THSD7A: variants seen among roughly 807,000 people sequenced by gnomAD.
THSD7A encodes the protein thrombospondin type-1 domain-containing protein 7A.
A neutral mutation model predicts 231.3 loss-of-function variants in THSD7A; 96 were observed. The observed-to-expected ratio is 0.41, with a 90% confidence interval of 0.35 to 0.49. THSD7A has a LOEUF of 0.49. Among genes scored for constraint, THSD7A ranks in the 20% least tolerant of loss-of-function variants. The pLI, the probability that THSD7A is intolerant of heterozygous loss-of-function variation, is 0.05. For missense variants in THSD7A, 2,290 were observed against 2,070.2 expected, an observed-to-expected ratio of 1.11 and a Z score of -2.06; for synonymous variants, 940 against 743.3, an observed-to-expected ratio of 1.26 and a Z score of -4.30.
chr7:11,420,025 A>C (rs1283440264), intron 16 of THSD7A, among the ~76,000 whole-genome samples: 1 of 152,198 alleles, frequency 6.6e-6, no homozygotes, highest in African/African-American at 2.4e-5. Context: ...TGGATAAACA[A>C]GTAAATGACC....
chr7:11,526,002 G>C (rs1440655638), intron 6 of THSD7A, among the ~76,000 whole-genome samples: 2 of 152,156 alleles, frequency 1.3e-5, no homozygotes, highest in African/African-American at 4.8e-5. Context: ...TCATGGTTTA[G>C]TCTAAAGAAA....
intron 26 of THSD7A, among the ~76,000 whole-genome samples, chr7:11,378,472 C>G (rs917243185): frequency 6.6e-6 from 1 of 152,156 alleles, no homozygotes; most frequent in African/African-American, 2.4e-5. Flanking sequence ...ACATTAAGAG[C>G]TGTCTGTGAA....
At chr7:11,386,588 TC>T (rs1462007988) in intron 23 of THSD7A, among the ~76,000 whole-genome samples, 3 of 152,232 alleles carry the variant, frequency 2.0e-5, no homozygotes, top group Non-Finnish European at 2.9e-5. Context: ...TTGTTTAAGT[TC>T]TTTGTAGATT....
chr7:11,383,960 A>G (rs1782627295), intron 23 of THSD7A: 1 of 152,040 alleles, frequency 6.6e-6, no homozygotes, highest in African/African-American at 2.4e-5. Context: ...TTGCAATAAG[A>G]TGAATGCAGA....
rs747022144 is a variant in THSD7A, at chr7:11,474,444, C to T, written c.2142G>A (p.Ser714=). The part of the protein sequence containing the change: ...WGQCIEDTSV[S]SFNTTTTWNG... ...TCCAAGTCGTAGTTGTGTTGAAGGA[C>T]GATACTGAGGTGTCCTCAATGCACT... The change falls in exon 8 of 28, where the codon TCG becomes TCA. Residue 714 remains serine (S), a synonymous_variant. Transcript: ENST00000423059. The surrounding 1 kb of genome is among the most constrained non-coding windows in gnomAD (Gnocchi z 4.1). 1.5e-5 allele frequency: 25 copies of T among 1,613,446 alleles called. No individual in the cohort carries two copies. The highest frequency in any genetic ancestry group is 5.3e-5 in the African/African-American group (4 of 74,896).
chr7:11,520,082 T>C (rs1788199503), intron 6 of THSD7A: 1 of 152,158 alleles, frequency 6.6e-6, no homozygotes, highest in South Asian at 2.1e-4. Context: ...ACCGAATTAA[T>C]CTGCACCCTC....
In THSD7A at chr7:11,444,089, A is replaced by G. The variant is rs1784886626; in HGVS notation, c.3064+1972T>C. The stretch of plus-strand genomic sequence containing the variant: ...GGTCATTAGAGAAATGCAAATCAAA[A>G]CCACAGTGAGATACCACCTCACACC... On this transcript the variant is annotated intron_variant, in intron 13 of 27. Coordinates refer to ENST00000423059, the MANE Select transcript of THSD7A (RefSeq NM_015204.3). This position sits in a 1 kb window ranked among gnomAD's most constrained non-coding sequence, Gnocchi z 4.2. Among the ~76,000 whole-genome samples the G allele has an allele frequency of 6.6e-6, 1 of 152,140 alleles. No homozygotes were observed. Among genetic ancestry groups the G allele is most frequent in the African/African-American group, 2.4e-5 (1 of 41,450 alleles).
At chr7:11,534,221 A>G (rs1185999009) in intron 6 of THSD7A, among the ~76,000 whole-genome samples, 3 of 152,198 alleles carry the variant, frequency 2.0e-5, no homozygotes, top group African/African-American at 7.2e-5. Context: ...AGACCATAGT[A>G]AATTATTTGC....
chr7:11,493,247 T>C (rs1321234566), intron 6 of THSD7A, among the ~76,000 whole-genome samples: 3 of 152,094 alleles, frequency 2.0e-5, no homozygotes, highest in East Asian at 1.9e-4. Context: ...GAGAGTTCTA[T>C]AAAATGTTCA....
At position 11,407,391 on chromosome 7, in the gene THSD7A, C is replaced by A; in HGVS notation, c.3831G>T (p.Thr1277=). The change falls in exon 20 of 28, where the codon ACG becomes ACT. Residue 1277 remains threonine (T), a synonymous_variant. Coordinates refer to ENST00000423059, the MANE Select transcript of THSD7A (RefSeq NM_015204.3). ...LGLEKNWQMN[T]SCMVECPVNC... is the part of the protein sequence containing the mutation. ...TCACAGGGCATTCCACCATGCAGGA[C>A]GTGTTCATCTGCCAGTTCTTCTCCA... 6.2e-7 allele frequency: 1 copy of A among 1,613,376 alleles called. No homozygotes were observed. Among genetic ancestry groups the A allele is most frequent in the Non-Finnish European group, 8.5e-7 (1 of 1,179,712 alleles).
chr7:11,677,023 T>C (rs1021206119), intron 1 of THSD7A, among the ~76,000 whole-genome samples: 6 of 152,128 alleles, frequency 3.9e-5, no homozygotes, highest in Non-Finnish European at 7.4e-5. Flanking sequence ...GAGAAAAACG[T>C]TGGGTTACCC....
intron 6 of THSD7A, among the ~76,000 whole-genome samples, chr7:11,536,091 A>T (rs986967562): frequency 2.6e-5 from 4 of 152,202 alleles, no homozygotes; most frequent in East Asian, 1.9e-4. Flanking sequence ...AATGTCTGCT[A>T]CTTGGGAGTC....
At chr7:11,613,724 G>A (rs757417083) in intron 2 of THSD7A, among the ~76,000 whole-genome samples, 1 of 152,270 alleles carries the variant, frequency 6.6e-6, no homozygotes, top group African/African-American at 2.4e-5. Flanking sequence ...CTGGCACAGC[G>A]CCACACTCTG....
chr7:11,375,995 C>T (rs1562557877), intron 27 of THSD7A, 117 bp from the exon 28 acceptor site: 7 of 866,206 alleles, frequency 8.1e-6, no homozygotes, highest in Admixed American at 4.4e-5. Context: ...TCGTTGCCTG[C>T]GTTGCCTAAA....
At chr7:11,821,616 T>C (rs927619198) in intron 1 of THSD7A, among the ~76,000 whole-genome samples, 2 of 152,138 alleles carry the variant, frequency 1.3e-5, no homozygotes, top group Non-Finnish European at 2.9e-5. Flanking sequence ...TCTCACTTTT[T>C]CCCCAAGTTT....
chr7:11,605,161 C>A (rs1461165612), intron 2 of THSD7A, among the ~76,000 whole-genome samples: 1 of 151,840 alleles, frequency 6.6e-6, no homozygotes, highest in Non-Finnish European at 1.5e-5. Flanking sequence ...TCTCCTTTAT[C>A]CCTCCTCTCT....
rs1408263190 is a variant in THSD7A at position 11,634,512 on chromosome 7, G to A, written c.1022+1618C>T. Reference sequence around the variant, plus strand: ...TAATATACTTCAGGAAAAGAGATAAGAAAATCACCAGAATAAGGATAGTCA... The same window carrying A: ...TAATATACTTCAGGAAAAGAGATAAAAAAATCACCAGAATAAGGATAGTCA... On this transcript the variant is annotated intron_variant, in intron 2 of 27. Transcript: ENST00000423059. This position sits in a 1 kb window ranked among gnomAD's most constrained non-coding sequence, Gnocchi z 4.1. Among the ~76,000 whole-genome samples the A allele has an allele frequency of 6.6e-6, 1 of 151,964 alleles. No individual in the cohort carries two copies. Among genetic ancestry groups the A allele is most frequent in the Admixed American group, 6.6e-5 (1 of 15,248 alleles).
At chr7:11,765,050 A>T (rs1164978620) in intron 1 of THSD7A, among the ~76,000 whole-genome samples, 1 of 151,808 alleles carries the variant, frequency 6.6e-6, no homozygotes, top group African/African-American at 2.4e-5. Flanking sequence ...TAAGAAATGT[A>T]TAAATCTTTT....
In THSD7A at chr7:11,803,729, G is replaced by A. The variant is rs893911418; in HGVS notation, c.190+28028C>T. ...TTCTATGTATTGTTTCTCAACTGCC[G>A]CTATATTGTAGAATCACCTGATGAG... On this transcript the variant is annotated intron_variant, in intron 1 of 27. Coordinates refer to ENST00000423059, the MANE Select transcript of THSD7A (RefSeq NM_015204.3). Among the ~76,000 whole-genome samples, 4 of 152,092 alleles carry A rather than the reference G, an allele frequency of 2.6e-5. No individual in the cohort carries two copies. The East Asian group carries it at 7.7e-4, about 29-fold the overall frequency.
Sources: allele counts gnomAD v4.1 joint callset (sites outside exome capture counted in the v4.1 genomes callset), GRCh38; gene constraint gnomAD v4.1.1; non-coding constraint Gnocchi (gnomAD v3.1); transcripts MANE v1.5; gene names NCBI Gene and HGNC (gene_info 2026-07-23, HGNC 2026-07-21).